Variants in TMPRSS6 observed in about 807,000 individuals in gnomAD.
TMPRSS6 encodes the protein transmembrane serine protease 6.
A neutral mutation model predicts 101.5 loss-of-function variants in TMPRSS6; 67 were observed. The observed-to-expected ratio is 0.66, with a 90% CI of 0.54 to 0.81. The LOEUF (loss-of-function observed/expected upper bound fraction) is 0.81. Among genes scored for constraint, TMPRSS6 ranks in the 30% least tolerant of loss-of-function variants. The pLI is 0.00. For missense variants in TMPRSS6, 1,034 were observed against 1,088.7 expected, an observed-to-expected ratio of 0.95 and a Z score of 0.71; for synonymous variants, 453 against 464.9, an observed-to-expected ratio of 0.97 and a Z score of 0.33.
chr22:37,071,046 G>A lies in TMPRSS6; in HGVS notation c.1556-14C>T. 6.2e-7 allele frequency: 1 copy of A among 1,610,864 alleles called. No individual in the cohort carries two copies. The highest frequency in any genetic ancestry group is 1.7e-5 in the Admixed American group (1 of 60,010). ...CACATGGCACCCCTGGGACAGAGGGGATGGGGGCAGGGCACAGAAGGTGGG... is the reference window on the plus strand; with the variant it reads ...CACATGGCACCCCTGGGACAGAGGGAATGGGGGCAGGGCACAGAAGGTGGG... On this transcript the variant is annotated splice_polypyrimidine_tract_variant and intron_variant, in intron 13 of 17. Coordinates refer to ENST00000676104, the MANE Select transcript of TMPRSS6 (RefSeq NM_001374504.1).
At chr22:37,102,902 T>A (rs987759550) in intron 2 of TMPRSS6, among the ~76,000 whole-genome samples, 1 of 152,088 alleles carries the variant, frequency 6.6e-6, no homozygotes, top group Non-Finnish European at 1.5e-5. Flanking sequence ...GCGATGTTTA[T>A]GCTCTGTGGG....
intron 5 of TMPRSS6, 37 bp from the exon 6 acceptor site, chr22:37,095,629 C>CAAAAAAAAAAAA: frequency 8.5e-7 from 1 of 1,176,570 alleles, no homozygotes; most frequent in Non-Finnish European, 1.1e-6. Flanking sequence ...TAAACAAGAA[C>CAAAAAAAAAAAA]AAAAAAAAAA....
upstream of TMPRSS6, among the ~76,000 whole-genome samples, chr22:37,110,067 A>G (rs1241569767): frequency 6.6e-6 from 1 of 151,558 alleles, no homozygotes; most frequent in African/African-American, 2.4e-5. Context: ...GAGAGGAGAA[A>G]GGGGAGGCAG....
At chr22:37,108,820 G>T (rs1930876722) in intron 1 of TMPRSS6, among the ~76,000 whole-genome samples, 1 of 152,194 alleles carries the variant, frequency 6.6e-6, no homozygotes, top group Non-Finnish European at 1.5e-5. Flanking sequence ...GGGACTCTGG[G>T]CTAGGGCCAT....
rs868434405 is a variant in TMPRSS6, at chr22:37,096,547, T to G, written c.404+101A>C. On this transcript the variant is annotated intron_variant, in intron 4 of 17. Transcript: ENST00000676104. ...CCCTCTCTATGCCTTAGTTTCCCCA[T>G]TTGAAACATGAAGGCATTGCATCAG... 5.5e-5 allele frequency: 73 copies of G among 1,325,736 alleles called. No individual in the cohort carries two copies. In the African/African-American group the frequency reaches 8.3e-4, roughly 15 times the overall value. The allele number at this position is 1,325,736 out of a possible 1,614,324, so 82.1% of individuals were successfully genotyped here.
At chr22:37,108,221 G>T (rs905359329) in intron 1 of TMPRSS6, among the ~76,000 whole-genome samples, 7 of 152,154 alleles carry the variant, frequency 4.6e-5, no homozygotes, top group African/African-American at 1.7e-4. Context: ...GTCAGTGCTT[G>T]TTCACGGCCA....
intron 6 of TMPRSS6, among the ~76,000 whole-genome samples, chr22:37,092,464 C>T (rs886850926): frequency 2.0e-5 from 3 of 149,848 alleles, no homozygotes; most frequent in South Asian, 2.2e-4. Context: ...CCCCCACCCC[C>T]GAGTAGCTAG....
intron 7 of TMPRSS6, among the ~76,000 whole-genome samples, chr22:37,087,912 G>C (rs559382303): frequency 2.3e-4 from 35 of 152,216 alleles, no homozygotes; most frequent in African/African-American, 8.4e-4. Flanking sequence ...GGGGCCACCT[G>C]CTCTGTCTTC....
chr22:37,091,030 A>G (rs1601556048), intron 6 of TMPRSS6, among the ~76,000 whole-genome samples: 1 of 137,750 alleles, frequency 7.3e-6, no homozygotes, highest in African/African-American at 2.8e-5. Context: ...CTGCTCTTCC[A>G]TCTAATCCGT....
At position 37,070,627 on chromosome 22, in the gene TMPRSS6, GCTGGAGGGGCC is replaced by G. The variant is rs1926805772; in HGVS notation, c.1687_1697del (p.Gly563ProfsTer12). On this transcript the variant is annotated frameshift_variant, in exon 15 of 18. Transcript: ENST00000676104. LOFTEE classifies it high-confidence loss of function. ...AGGACACAGCTCCACCAACAATGCG[GCTGGAGGGGCC>G]CTGGAGGCCACAGTCTGGGGATGGG... The G allele has an allele frequency of 6.2e-7, 1 of 1,613,042 alleles. No homozygotes were observed. Among genetic ancestry groups the G allele is most frequent in the Non-Finnish European group, 8.5e-7 (1 of 1,179,996 alleles).
chr22:37,099,399 T>G (rs181321547), intron 2 of TMPRSS6, among the ~76,000 whole-genome samples: 2 of 152,248 alleles, frequency 1.3e-5, no homozygotes, highest in East Asian at 3.9e-4. Flanking sequence ...TGAACAAGGG[T>G]AACCATGAAA....
chr22:37,096,700 T>C lies in TMPRSS6; in HGVS notation c.352A>G (p.Thr118Ala), dbSNP rs1229995408. The C allele has an allele frequency of 1.2e-5, 18 of 1,564,632 alleles. No homozygotes were observed. The highest frequency in any genetic ancestry group is 1.3e-5 in the Non-Finnish European group (15 of 1,153,582). ...TAGTAAGTTCCCAGGCGGGTGCTGG[T>C]GATGAGCTCCTTGAGCTGTGAGAAG... ...KAQKMLKELI[T>A]STRLGTYYNS... Residue 118 changes from threonine (T) to alanine (A), a missense_variant, in exon 4 of 18, where the codon ACC becomes GCC. Transcript: ENST00000676104.
chr22:37,104,881 A>G (rs1216511629), intron 1 of TMPRSS6, among the ~76,000 whole-genome samples: 2 of 151,998 alleles, frequency 1.3e-5, no homozygotes, highest in African/African-American at 4.8e-5. Context: ...GAATCACTTG[A>G]ACCTGGTCAG....
intron 6 of TMPRSS6, among the ~76,000 whole-genome samples, chr22:37,094,406 GATAGATAGATAGATAGATAGAT>G (rs1569019745): frequency 6.7e-6 from 1 of 150,016 alleles, no homozygotes; most frequent in African/African-American, 2.5e-5. Context: ...TAGATAGATA[GATAGATAGATAGATAGATAGAT>G]ATAAACAGAC....
upstream of TMPRSS6, among the ~76,000 whole-genome samples, chr22:37,110,161 T>G (rs1229127125): frequency 9.5e-6 from 1 of 105,662 alleles, no homozygotes; most frequent in African/African-American, 3.4e-5. Flanking sequence ...TTTTTTTTTT[T>G]AAGATGGAGT....
rs767987366 is a variant in TMPRSS6, at chr22:37,103,819, C to T, written c.-1-401G>A. On this transcript the variant is annotated intron_variant, in intron 1 of 17. Coordinates refer to ENST00000676104, the MANE Select transcript of TMPRSS6 (RefSeq NM_001374504.1). This position sits in a 1 kb window ranked among gnomAD's most constrained non-coding sequence, Gnocchi z 4.4. ...ACCTCTTGCCCTCATTTCCCGTCCA[C>T]GCAAGGAATGCTGTTTCTTGCTCCT... Among the ~76,000 whole-genome samples the T allele has an allele frequency of 5.3e-5, 8 of 152,148 alleles. No homozygotes were observed. Among genetic ancestry groups the T allele is most frequent in the East Asian group, 1.9e-4 (1 of 5,192 alleles).
At chr22:37,090,249 G>A (rs1369988477) in intron 6 of TMPRSS6, among the ~76,000 whole-genome samples, 1 of 152,246 alleles carries the variant, frequency 6.6e-6, no homozygotes, top group Non-Finnish European at 1.5e-5. Context: ...CAAGCTGAAG[G>A]CAGGGAGGCC....
Position 37,069,350 on chromosome 22 carries a change from G to A in TMPRSS6, c.1842-6C>T. Reference sequence around the variant, plus strand: ...ACAGCACCGTGGAGGCCATGCTGGGGTGGGGTGGGGTGGGGTGGGGTGGGG... The same window carrying A: ...ACAGCACCGTGGAGGCCATGCTGGGATGGGGTGGGGTGGGGTGGGGTGGGG... On this transcript the variant is annotated splice_region_variant and splice_polypyrimidine_tract_variant and intron_variant, in intron 15 of 17. Transcript: ENST00000676104. This position sits in a 1 kb window ranked among gnomAD's most constrained non-coding sequence, Gnocchi z 4.8. The A allele has an allele frequency of 1.0e-6, 1 of 978,982 alleles. No individual in the cohort carries two copies. Among genetic ancestry groups the A allele is most frequent in the Non-Finnish European group, 1.3e-6 (1 of 782,404 alleles). The allele number at this position is 978,982 out of a possible 1,614,324, so 60.6% of individuals were successfully genotyped here.
chr22:37,069,346 TG>T lies in TMPRSS6; in HGVS notation c.1842-3del. On this transcript the variant is annotated splice_region_variant and splice_polypyrimidine_tract_variant and intron_variant, in intron 15 of 17. Transcript: ENST00000676104. This position sits in a 1 kb window ranked among gnomAD's most constrained non-coding sequence, Gnocchi z 4.8. ...GTCCACAGCACCGTGGAGGCCATGCTGGGGTGGGGTGGGGTGGGGTGGGGTG... is the reference window on the plus strand; with the variant it reads ...GTCCACAGCACCGTGGAGGCCATGCTGGGTGGGGTGGGGTGGGGTGGGGTG... 2.5e-5 allele frequency: 1 copy of T among 40,742 alleles called. No individual in the cohort carries two copies. Among genetic ancestry groups the T allele is most frequent in the Non-Finnish European group, 3.4e-5 (1 of 29,026 alleles). 2.5% of individuals were successfully genotyped at this position (40,742 alleles called of 1,614,324 possible).
Sources: allele counts gnomAD v4.1 joint callset (sites outside exome capture counted in the v4.1 genomes callset), GRCh38; gene constraint gnomAD v4.1.1; non-coding constraint Gnocchi (gnomAD v3.1); transcripts MANE v1.5; gene names NCBI Gene and HGNC (gene_info 2026-07-23, HGNC 2026-07-21).